The following IL1R1 variants were observed in gnomAD, a reference collection of about 807,000 sequenced individuals.
IL1R1 encodes interleukin 1 receptor type 1, also known as interleukin-1 receptor type 1.
Under a neutral mutation model 50.2 loss-of-function variants are expected in IL1R1, and 22 were observed. The observed-to-expected ratio is 0.44, with a 90% CI of 0.31 to 0.63. The LOEUF (loss-of-function observed/expected upper bound fraction) is 0.63, where lower values mean the gene tolerates loss of function less well. IL1R1 is among the 20% of genes least tolerant of loss of function. The pLI is 0.07. For missense variants in IL1R1, 509 were observed against 676.2 expected, an observed-to-expected ratio of 0.75 and a Z score of 2.74; for synonymous variants, 251 against 236.7, an observed-to-expected ratio of 1.06 and a Z score of -0.55.
At chr2:102,122,987 T>A (rs62156385) in intron 1 of IL1R1, among the ~76,000 whole-genome samples, 28,053 of 152,230 alleles carry the variant, frequency 0.18, 2,714 homozygotes, top group South Asian at 0.21. Context: ...GGCTCATGCC[T>A]GTAGACTGAA....
chr2:102,110,936 G>GATTGGGAC (rs1360607963), intron 1 of IL1R1, among the ~76,000 whole-genome samples: 2 of 152,166 alleles, frequency 1.3e-5, no homozygotes, highest in Non-Finnish European at 2.9e-5. Context: ...TTAGCCTGGT[G>GATTGGGAC]ATTGGGACGG....
intron 1 of IL1R1, among the ~76,000 whole-genome samples, chr2:102,081,984 T>C (rs545882526): frequency 6.6e-6 from 1 of 152,340 alleles, no homozygotes; most frequent in South Asian, 2.1e-4. Flanking sequence ...TATCAAATGT[T>C]AGCCTGCCTC....
intron 1 of IL1R1, among the ~76,000 whole-genome samples, chr2:102,146,663 A>G (rs1210108581): frequency 6.6e-6 from 1 of 152,224 alleles, no homozygotes; most frequent in East Asian, 1.9e-4. Context: ...TTTAGTGTGT[A>G]TAAACTTGTG....
chr2:102,168,739 T>TTACTC, intron 7 of IL1R1, 76 bp downstream of exon 7: 1 of 1,011,936 alleles, frequency 9.9e-7, no homozygotes, highest in Non-Finnish European at 1.5e-6. Context: ...AAATTGTATC[T>TTACTC]TTACTATATA....
At chr2:102,168,729 A>AC in intron 7 of IL1R1, 66 bp downstream of exon 7, 6 of 1,125,688 alleles carry the variant, frequency 5.3e-6, no homozygotes, top group Non-Finnish European at 6.6e-6. Flanking sequence ...AGAGTAAGAT[A>AC]AATTGTATCT....
chr2:102,099,037 C>T (rs540661209), intron 1 of IL1R1, among the ~76,000 whole-genome samples: 1 of 152,130 alleles, frequency 6.6e-6, no homozygotes, highest in Non-Finnish European at 1.5e-5. Flanking sequence ...TTATTAAACA[C>T]AATAACTTCC....
At chr2:102,166,366 A>G (rs925136202) in intron 6 of IL1R1, 85 bp downstream of exon 6, 1 of 1,080,158 alleles carries the variant, frequency 9.3e-7, no homozygotes, top group Non-Finnish European at 1.3e-6. Context: ...TTATCCATGA[A>G]GAAACCAAAT....
intron 1 of IL1R1, among the ~76,000 whole-genome samples, chr2:102,079,007 A>T (rs1186312625): frequency 1.3e-5 from 2 of 152,166 alleles, no homozygotes; most frequent in Non-Finnish European, 2.9e-5. Context: ...ATCTCAATAG[A>T]TGCAGACAAA....
intron 3 of IL1R1, among the ~76,000 whole-genome samples, chr2:102,159,004 A>G (rs919384583): frequency 3.9e-5 from 6 of 152,198 alleles, no homozygotes; most frequent in African/African-American, 1.2e-4. Context: ...CAGATGTGAG[A>G]TGTGAGGGAA....
chr2:102,099,472 C>T (rs1484024671), intron 1 of IL1R1, among the ~76,000 whole-genome samples: 2 of 152,172 alleles, frequency 1.3e-5, no homozygotes, highest in African/African-American at 2.4e-5. Context: ...TTCGTTCCAT[C>T]TCTGGGTTAG....
chr2:102,133,126 C>T (rs560102489), intron 1 of IL1R1, among the ~76,000 whole-genome samples: 29 of 151,964 alleles, frequency 1.9e-4, no homozygotes, highest in Admixed American at 7.2e-4. Flanking sequence ...CACCTGTAGT[C>T]CCAGCTACTA....
upstream of IL1R1, among the ~76,000 whole-genome samples, chr2:102,100,308 T>C (rs1225725873): frequency 1.3e-5 from 2 of 152,216 alleles, no homozygotes; most frequent in African/African-American, 4.8e-5. Flanking sequence ...ACCATGTCCA[T>C]GCCCAGCCTG....
At chr2:102,105,787 A>G (rs1005777955) in intron 1 of IL1R1, among the ~76,000 whole-genome samples, 3 of 152,220 alleles carry the variant, frequency 2.0e-5, no homozygotes, top group Non-Finnish European at 2.9e-5. Context: ...TAAAAGCCTG[A>G]TCATATTTTT....
chr2:102,108,443 C>T (rs1012427370), intron 1 of IL1R1, among the ~76,000 whole-genome samples: 8 of 152,122 alleles, frequency 5.3e-5, no homozygotes, highest in Admixed American at 4.6e-4. Context: ...TGCTCAGCTC[C>T]CCAGTGGACT....
intron 1 of IL1R1, among the ~76,000 whole-genome samples, chr2:102,093,190 G>A (rs1381333178): frequency 6.6e-6 from 1 of 152,162 alleles, no homozygotes; most frequent in Non-Finnish European, 1.5e-5. Flanking sequence ...AAGGTAGTTA[G>A]TGGTTGAAGT....
rs772861436 is a variant in IL1R1 at position 102,164,825 on chromosome 2, A to C, written c.113A>C (p.Glu38Ala). 2 of 1,614,092 alleles carry C rather than the reference A, an allele frequency of 1.2e-6. No individual in the cohort carries two copies. Among genetic ancestry groups the C allele is most frequent in the East Asian group, 4.5e-5 (2 of 44,868 alleles). Residue 38 changes from glutamate (E) to alanine (A), a missense_variant, in exon 4 of 12, where the codon GAA becomes GCA. Coordinates refer to ENST00000410023, the MANE Select transcript of IL1R1 (RefSeq NM_000877.4). ...EKIILVSSAN[E>A]IDVRPCPLNP... ...ATAATTTTAGTGTCATCTGCAAATG[A>C]AATTGATGTTCGTCCCTGTCCTCTT...
chr2:102,140,541 T>C (rs1682587292), upstream of IL1R1, among the ~76,000 whole-genome samples: 1 of 152,206 alleles, frequency 6.6e-6, no homozygotes, highest in Non-Finnish European at 1.5e-5. Context: ...ATGTGGGCCA[T>C]TGGATTGCAT....
intron 1 of IL1R1, among the ~76,000 whole-genome samples, chr2:102,108,051 C>T (rs765179465): frequency 6.6e-6 from 1 of 152,130 alleles, no homozygotes; most frequent in African/African-American, 2.4e-5. Context: ...AAGATAGAGG[C>T]AAGCTTTTTG....
intron 6 of IL1R1, among the ~76,000 whole-genome samples, chr2:102,166,760 C>T (rs1434025429): frequency 6.6e-6 from 1 of 152,126 alleles, no homozygotes; most frequent in Non-Finnish European, 1.5e-5. Flanking sequence ...CCTGTTTCCT[C>T]TTCTGTAACA....
Sources: gnomAD v4.1 joint callset for allele counts (sites outside exome capture counted in the v4.1 genomes callset) on GRCh38, gnomAD v4.1.1 for gene constraint, MANE v1.5 for transcripts, NCBI Gene and HGNC (gene_info 2026-07-23, HGNC 2026-07-21) for gene names.